NID1: variants seen among roughly 807,000 people sequenced by gnomAD.
NID1 encodes the protein nidogen 1.
NID1 carries 76 observed loss-of-function variants against 130.6 expected under a neutral mutation model. The observed-to-expected ratio is 0.58, with a 90% CI of 0.48 to 0.70. NID1 has a LOEUF of 0.70. NID1 is among the 30% of genes least tolerant of loss of function. The pLI is 0.00. For synonymous variants in NID1, 665 were observed against 675.1 expected (o/e 0.98, Z 0.23); for missense variants, 1,517 against 1,664.8 (o/e 0.91, Z 1.54).
At chr1:236,012,102 C>T (rs1440520675) in intron 11 of NID1, 59 bp from the exon 12 acceptor site, 5 of 1,586,418 alleles carry the variant, frequency 3.2e-6, no homozygotes, top group Non-Finnish European at 4.3e-6. Context: ...TCGTAGTTTA[C>T]CCAATAATTT....
intron 12 of NID1, among the ~76,000 whole-genome samples, chr1:235,995,984 A>G (rs1039511336): frequency 6.6e-6 from 1 of 152,148 alleles, no homozygotes; most frequent in Non-Finnish European, 1.5e-5. Flanking sequence ...AGCAAGACCT[A>G]TATCTATAAA....
chr1:235,996,720 G>T (rs1039044660), intron 12 of NID1, among the ~76,000 whole-genome samples: 1 of 152,142 alleles, frequency 6.6e-6, no homozygotes, highest in African/African-American at 2.4e-5. Flanking sequence ...TGGGATTACA[G>T]GTGTGAGCCA....
At chr1:235,987,796 T>C (rs950804434) in intron 14 of NID1, among the ~76,000 whole-genome samples, 1 of 152,146 alleles carries the variant, frequency 6.6e-6, no homozygotes, top group Non-Finnish European at 1.5e-5. Flanking sequence ...GATGATCTTT[T>C]ACTGGGAAAA....
At chr1:236,028,643 G>A (rs1259596661) in intron 7 of NID1, among the ~76,000 whole-genome samples, 1 of 151,652 alleles carries the variant, frequency 6.6e-6, no homozygotes, top group Non-Finnish European at 1.5e-5. Flanking sequence ...TTTAAAGAAC[G>A]ATCTATCATG....
chr1:236,052,362 G>A (rs1659783308), intron 1 of NID1, among the ~76,000 whole-genome samples: 1 of 152,176 alleles, frequency 6.6e-6, no homozygotes, highest in South Asian at 2.1e-4. Context: ...TCAGGCAGGA[G>A]GAGGCACAGA....
chr1:236,032,555 G>A lies in NID1; in HGVS notation c.1383C>T (p.Tyr461=), dbSNP rs1000202924. The A allele has an allele frequency of 3.1e-6, 5 of 1,614,016 alleles. No individual in the cohort carries two copies. The highest frequency in any genetic ancestry group is 1.3e-5 in the African/African-American group (1 of 74,892). ...IVFENTDLHS[Y]VVMNHGRSYT... ...AGGAGCGCCCGTGGTTCATTACTAC[G>A]TAAGAGTGGAGGTCAGTGTTCTCAA... The change falls in exon 6 of 20, where the codon TAC becomes TAT. Residue 461 remains tyrosine, a synonymous_variant. Coordinates refer to ENST00000264187, the MANE Select transcript of NID1 (RefSeq NM_002508.3).
intron 12 of NID1, among the ~76,000 whole-genome samples, chr1:235,997,081 G>A (rs1005456202): frequency 4.6e-5 from 7 of 151,912 alleles, no homozygotes; most frequent in South Asian, 2.1e-4. Context: ...TGATCCGCCC[G>A]CCTCAGCCTC....
At chr1:236,000,762 C>T (rs1658052428) in intron 12 of NID1, among the ~76,000 whole-genome samples, 2 of 152,142 alleles carry the variant, frequency 1.3e-5, no homozygotes, top group African/African-American at 4.8e-5. Flanking sequence ...CATTCCATTC[C>T]CTTGCTTGAT....
Position 236,041,902 on chromosome 1 carries a change from G to A in NID1, c.1135+8C>T, listed in dbSNP as rs1226756992. 1.3e-6 allele frequency: 2 copies of A among 1,596,072 alleles called. No individual in the cohort carries two copies. The highest frequency in any genetic ancestry group is 2.2e-5 in the East Asian group (1 of 44,562). Reference sequence around the variant, plus strand: ...GATCGTTACCAACTGCAACTTAAATGGTCTTACCAACTCCTGTTTCCTCAA... The same window carrying A: ...GATCGTTACCAACTGCAACTTAAATAGTCTTACCAACTCCTGTTTCCTCAA... On this transcript the variant is annotated splice_region_variant and intron_variant, in intron 4 of 19. Transcript: ENST00000264187.
At chr1:235,991,633 G>A (rs1308225478) in intron 13 of NID1, among the ~76,000 whole-genome samples, 3 of 151,236 alleles carry the variant, frequency 2.0e-5, no homozygotes, top group South Asian at 2.1e-4. Flanking sequence ...GTGCCCGGCC[G>A]GCCTCCCTCT....
intron 12 of NID1, among the ~76,000 whole-genome samples, chr1:235,999,738 G>A (rs1322325645): frequency 6.6e-6 from 1 of 152,118 alleles, no homozygotes; most frequent in Non-Finnish European, 1.5e-5. Flanking sequence ...CAAAGAGAAT[G>A]AGAGGAAAAT....
chr1:236,019,011 AC>A (rs1044905293), intron 9 of NID1, among the ~76,000 whole-genome samples: 34 of 152,350 alleles, frequency 2.2e-4, no homozygotes, highest in African/African-American at 8.2e-4. Flanking sequence ...TTTGTCCTGT[AC>A]CCAGGCAAAT....
At chr1:236,064,770 T>A in intron 1 of NID1, 85 bp downstream of exon 1, 1 of 1,332,346 alleles carries the variant, frequency 7.5e-7, no homozygotes, top group South Asian at 1.3e-5. Context: ...CCCCGCCTGC[T>A]ACGCCCAAGT....
intron 12 of NID1, among the ~76,000 whole-genome samples, chr1:235,994,973 C>T (rs1657882530): frequency 6.6e-6 from 1 of 152,200 alleles, no homozygotes; most frequent in African/African-American, 2.4e-5. Context: ...CCAGATACCA[C>T]CAAGTGCGTT....
At chr1:236,027,192 C>T (rs1658960170) in intron 7 of NID1, among the ~76,000 whole-genome samples, 1 of 152,066 alleles carries the variant, frequency 6.6e-6, no homozygotes, top group African/African-American at 2.4e-5. Context: ...GACAGTCCTC[C>T]CCACTCAGAA....
chr1:236,034,943 C>T (rs1659207447), intron 5 of NID1, among the ~76,000 whole-genome samples: 1 of 151,574 alleles, frequency 6.6e-6, no homozygotes, highest in African/African-American at 2.4e-5. Flanking sequence ...CTTTCACACC[C>T]AGCCCCTCAC....
intron 1 of NID1, among the ~76,000 whole-genome samples, chr1:236,059,837 C>T (rs907390290): frequency 2.5e-4 from 38 of 152,160 alleles, no homozygotes; most frequent in Admixed American, 3.9e-4. Context: ...CGTGGTGGCT[C>T]ACGCCTGTAA....
chr1:235,984,464 T>C (rs557340742), intron 15 of NID1, among the ~76,000 whole-genome samples: 3 of 152,242 alleles, frequency 2.0e-5, no homozygotes, highest in South Asian at 4.1e-4. Context: ...AGAATATCAA[T>C]TGTGAGGGAA....
intron 12 of NID1, among the ~76,000 whole-genome samples, chr1:236,010,300 C>CTTTTTTTTTT (rs551127579): frequency 4.7e-5 from 5 of 107,190 alleles, no homozygotes; most frequent in African/African-American, 7.1e-5. Context: ...GCTATTTATA[C>CTTTTTTTTTT]TTTTTTTTTT....
Sources: gnomAD v4.1 joint callset for allele counts (sites outside exome capture counted in the v4.1 genomes callset) on GRCh38, gnomAD v4.1.1 for gene constraint, MANE v1.5 for transcripts, NCBI Gene and HGNC (gene_info 2026-07-23, HGNC 2026-07-21) for gene names.